The following TBC1D22A variants were observed in gnomAD, a reference collection of about 807,000 sequenced individuals.
The protein encoded by TBC1D22A is TBC1 domain family member 22A, also known as putative GTPase activator.
TBC1D22A carries 38 observed loss-of-function variants against 60.2 expected under a neutral mutation model. That is an observed-to-expected ratio of 0.63 (90% confidence interval 0.49 to 0.83). TBC1D22A has a LOEUF of 0.83. Among genes scored for constraint, TBC1D22A ranks in the 40% least tolerant of loss-of-function variants. The pLI is 0.00. For synonymous variants in TBC1D22A, 302 were observed against 281.7 expected, an observed-to-expected ratio of 1.07 and a Z score of -0.72; for missense variants, 628 against 701.0, an observed-to-expected ratio of 0.90 and a Z score of 1.18.
chr22:47,006,613 G>A (rs2061600323), intron 10 of TBC1D22A, among the ~76,000 whole-genome samples: 1 of 152,204 alleles, frequency 6.6e-6, no homozygotes, highest in South Asian at 2.1e-4. Flanking sequence ...TGACCCTGTA[G>A]GAGCTGCTGA....
At chr22:47,077,477 C>T (rs1013075658) in intron 11 of TBC1D22A, among the ~76,000 whole-genome samples, 5 of 152,208 alleles carry the variant, frequency 3.3e-5, no homozygotes, top group African/African-American at 1.2e-4. Context: ...CAAGCCCTCC[C>T]GCCCTATTGG....
chr22:47,166,835 C>T (rs763017848), intron 12 of TBC1D22A, among the ~76,000 whole-genome samples: 8 of 152,164 alleles, frequency 5.3e-5, no homozygotes, highest in African/African-American at 1.2e-4. Flanking sequence ...GGAGAGAGGC[C>T]GGGGTACAGG....
chr22:46,883,666 C>T (rs1240918363), intron 5 of TBC1D22A, among the ~76,000 whole-genome samples: 1 of 152,190 alleles, frequency 6.6e-6, no homozygotes, highest in African/African-American at 2.4e-5. Flanking sequence ...GTCAGGCTGC[C>T]TACACCACGG....
rs73889435 is a variant in TBC1D22A, at chr22:47,156,244, C to G, written c.1426-17254C>G. Reference sequence around the variant, plus strand: ...AATCAGGGGCTGGACTATCTGACAGCAGTTCAGGCTCCTGGCTTCCACGTG... The same window carrying G: ...AATCAGGGGCTGGACTATCTGACAGGAGTTCAGGCTCCTGGCTTCCACGTG... On this transcript the variant is annotated intron_variant, in intron 12 of 12. Transcript: ENST00000337137. Among the ~76,000 whole-genome samples, 1,220 of 152,342 alleles carry G rather than the reference C, an allele frequency of 8.0e-3. 24 individuals are homozygous for G. The highest frequency in any genetic ancestry group is 0.028 in the African/African-American group (1,168 of 41,582).
chr22:47,053,619 C>CAG (rs2063298280), intron 11 of TBC1D22A, among the ~76,000 whole-genome samples: 3 of 152,338 alleles, frequency 2.0e-5, no homozygotes, highest in Admixed American at 2.0e-4. Flanking sequence ...AGGGAGGCCT[C>CAG]TGTGCACAGC....
chr22:46,778,958 C>T (rs1305007368), intron 1 of TBC1D22A, among the ~76,000 whole-genome samples: 2 of 152,104 alleles, frequency 1.3e-5, no homozygotes, highest in Admixed American at 6.6e-5. Flanking sequence ...GCAGGAGAAT[C>T]GCTTGTACCC....
chr22:47,086,410 G>T (rs534517753), intron 11 of TBC1D22A, among the ~76,000 whole-genome samples: 1 of 152,144 alleles, frequency 6.6e-6, no homozygotes, highest in East Asian at 1.9e-4. Flanking sequence ...AGCTGAGATC[G>T]CGCCATTGCA....
intron 11 of TBC1D22A, among the ~76,000 whole-genome samples, chr22:47,083,697 A>C (rs1569429027): frequency 6.6e-6 from 1 of 152,162 alleles, no homozygotes; most frequent in East Asian, 1.9e-4. Flanking sequence ...GGTGAAAGAT[A>C]AATTGTCATC....
At chr22:46,824,600 G>T (rs966427186) in intron 4 of TBC1D22A, among the ~76,000 whole-genome samples, 3 of 152,332 alleles carry the variant, frequency 2.0e-5, no homozygotes, top group African/African-American at 2.4e-5. Flanking sequence ...GGGCTGGCGC[G>T]ATTCGACTTA....
At position 46,964,239 on chromosome 22, in the gene TBC1D22A, T is replaced by C. The variant is rs140991575; in HGVS notation, c.1016-10051T>C. On this transcript the variant is annotated intron_variant, in intron 8 of 12. Transcript: ENST00000337137. Reference sequence around the variant, plus strand: ...GGTAGGCATGGAGAACAAGCAGGGCTGTTTGCAAATGATATAGGTATCTGT... The same window carrying C: ...GGTAGGCATGGAGAACAAGCAGGGCCGTTTGCAAATGATATAGGTATCTGT... Among the ~76,000 whole-genome samples, 588 of 152,334 alleles carry C rather than the reference T, an allele frequency of 3.9e-3. 4 individuals are homozygous for C. The highest frequency in any genetic ancestry group is 0.013 in the African/African-American group (561 of 41,574).
intron 4 of TBC1D22A, among the ~76,000 whole-genome samples, chr22:46,846,339 G>A (rs1283721217): frequency 2.0e-5 from 3 of 152,206 alleles, no homozygotes; most frequent in Non-Finnish European, 2.9e-5. Context: ...TGGGCGTGGC[G>A]ACATCGCTTA....
chr22:46,928,368 C>T (rs1390619991), intron 8 of TBC1D22A, among the ~76,000 whole-genome samples: 1 of 152,164 alleles, frequency 6.6e-6, no homozygotes, highest in Non-Finnish European at 1.5e-5. Flanking sequence ...GGTTATTAGA[C>T]ATTGAAATGC....
At chr22:47,027,767 T>G (rs933734599) in intron 10 of TBC1D22A, among the ~76,000 whole-genome samples, 6 of 152,138 alleles carry the variant, frequency 3.9e-5, no homozygotes, top group Non-Finnish European at 5.9e-5. Flanking sequence ...TTAGAATCTG[T>G]TTTTCAGATG....
At chr22:47,136,091 G>A (rs2066860950) in intron 12 of TBC1D22A, among the ~76,000 whole-genome samples, 1 of 152,234 alleles carries the variant, frequency 6.6e-6, no homozygotes, top group Admixed American at 6.5e-5. Context: ...CCTCACGTAC[G>A]GAGGGAAGTG....
chr22:47,032,187 T>G (rs1394608482), intron 10 of TBC1D22A, among the ~76,000 whole-genome samples: 1 of 152,156 alleles, frequency 6.6e-6, no homozygotes, highest in Non-Finnish European at 1.5e-5. Flanking sequence ...CTCTGTGGTG[T>G]GCACCTTCCC....
At chr22:47,089,693 CA>C (rs1334242076) in intron 11 of TBC1D22A, among the ~76,000 whole-genome samples, 2 of 152,178 alleles carry the variant, frequency 1.3e-5, no homozygotes, top group African/African-American at 4.8e-5. Flanking sequence ...TATTGTTGTG[CA>C]GAACCTGTAT....
At chr22:46,979,202 A>G (rs1029560280) in intron 9 of TBC1D22A, among the ~76,000 whole-genome samples, 18 of 152,140 alleles carry the variant, frequency 1.2e-4, no homozygotes, top group East Asian at 1.9e-4. Flanking sequence ...CGTATGATCA[A>G]ATTTGTTAGT....
At chr22:47,171,421 C>T (rs1443313977) in intron 12 of TBC1D22A, among the ~76,000 whole-genome samples, 4 of 152,164 alleles carry the variant, frequency 2.6e-5, no homozygotes, top group Admixed American at 2.6e-4. Flanking sequence ...AGCCGGGGAG[C>T]CTGCAGGTGG....
intron 11 of TBC1D22A, among the ~76,000 whole-genome samples, chr22:47,075,344 A>G (rs1197114993): frequency 1.3e-5 from 2 of 152,216 alleles, no homozygotes; most frequent in East Asian, 1.9e-4. Context: ...AATATCATAT[A>G]TCACATGATC....
Sources: allele counts gnomAD v4.1 joint callset (sites outside exome capture counted in the v4.1 genomes callset), GRCh38; gene constraint gnomAD v4.1.1; transcripts MANE v1.5; gene names NCBI Gene and HGNC (gene_info 2026-07-23, HGNC 2026-07-21).